BBS9: variants seen among roughly 807,000 people sequenced by gnomAD.
The protein encoded by BBS9 is protein PTHB1.
In BBS9, 89 loss-of-function variants were observed where a neutral mutation model predicts 117.7. The ratio of observed to expected loss-of-function variants is 0.76; its 90% CI spans 0.64 to 0.90. The LOEUF is 0.90. BBS9 is among the 40% of genes least tolerant of loss of function. The pLI is 0.00. For synonymous variants in BBS9, 379 were observed against 370.9 expected, an observed-to-expected ratio of 1.02 and a Z score of -0.25; for missense variants, 982 against 1,042.2, an observed-to-expected ratio of 0.94 and a Z score of 0.80.
intron 11 of BBS9, 115 bp downstream of exon 11, chr7:33,341,088 T>A: frequency 1.2e-6 from 1 of 835,078 alleles, no homozygotes; most frequent in South Asian, 1.4e-5. Context: ...TCAGGGAGGA[T>A]AACAAATTGT....
intron 19 of BBS9, among the ~76,000 whole-genome samples, chr7:33,446,565 T>C (rs571840601): frequency 6.6e-6 from 1 of 152,150 alleles, no homozygotes; most frequent in African/African-American, 2.4e-5. Flanking sequence ...AATGAGGCCT[T>C]CATTTAAGGT....
At chr7:33,597,247 A>G (rs1863000897) in intron 21 of BBS9, among the ~76,000 whole-genome samples, 1 of 151,988 alleles carries the variant, frequency 6.6e-6, no homozygotes, top group Non-Finnish European at 1.5e-5. Context: ...ATTGAAATGA[A>G]ATCTCAAAAA....
rs1416809260 is a variant in BBS9, at chr7:33,338,224, G to A, written c.1198+1602G>A. Reference sequence around the variant, plus strand: ...GTTTTATTTCTGGGAAAGAAACAAAGGGAAACTTTTTAAACTGAGAGGTAT... The same window carrying A: ...GTTTTATTTCTGGGAAAGAAACAAAAGGAAACTTTTTAAACTGAGAGGTAT... On this transcript the variant is annotated intron_variant, in intron 10 of 22. Coordinates refer to ENST00000242067, the MANE Select transcript of BBS9 (RefSeq NM_198428.3). 2.6e-5 allele frequency among the ~76,000 whole-genome samples: 4 copies of A among 151,884 alleles called. No homozygotes were observed. In the East Asian group the frequency reaches 7.7e-4, roughly 29 times the overall value.
chr7:33,422,849 A>G (rs1584769578), intron 19 of BBS9, among the ~76,000 whole-genome samples: 1 of 152,118 alleles, frequency 6.6e-6, no homozygotes, highest in African/African-American at 2.4e-5. Flanking sequence ...GCCTCAAGCA[A>G]TCCTCTCGCC....
intron 21 of BBS9, among the ~76,000 whole-genome samples, chr7:33,632,295 C>T (rs1055910630): frequency 6.6e-6 from 1 of 152,208 alleles, no homozygotes; most frequent in East Asian, 1.9e-4. Flanking sequence ...GAGAAATGTT[C>T]ACTCTTCAAT....
intron 21 of BBS9, among the ~76,000 whole-genome samples, chr7:33,598,457 A>G (rs1585424753): frequency 6.6e-6 from 1 of 152,310 alleles, no homozygotes; most frequent in African/African-American, 2.4e-5. Flanking sequence ...TGAAAAAGAC[A>G]AAGGACATTA....
At position 33,152,852 on chromosome 7, in the gene BBS9, G is replaced by A. The variant is rs137962929; in HGVS notation, c.263+1G>A. On this transcript the variant is annotated splice_donor_variant, in intron 3 of 22. Transcript: ENST00000242067. LOFTEE classifies it high-confidence loss of function. ...AAGTGGAAGTAGGAAAGTTTGTTTC[G>A]TAAGTAAGCCCACTAATTCTGGTAT... The A allele has an allele frequency of 1.2e-5, 19 of 1,613,742 alleles. No homozygotes were observed. Among genetic ancestry groups the A allele is most frequent in the African/African-American group, 4.0e-5 (3 of 74,976 alleles).
intron 4 of BBS9, among the ~76,000 whole-genome samples, chr7:33,167,915 A>G (rs1795949584): frequency 6.6e-6 from 1 of 152,200 alleles, no homozygotes. Context: ...ATAAAGACAT[A>G]ATTGACAAGG....
Position 33,466,390 on chromosome 7 carries a change from C to T in BBS9, c.2116-39073C>T, listed in dbSNP as rs942498972. ...GATTCTGCATATATGTGAGGTCATG[C>T]AGTATTTGTCTTTCTGGGCCCGCCC... On this transcript the variant is annotated intron_variant, in intron 19 of 22. Transcript: ENST00000242067. Among the ~76,000 whole-genome samples the T allele has an allele frequency of 3.7e-5, 4 of 107,780 alleles. No individual in the cohort carries two copies. The East Asian group carries it at 1.1e-3, about 29-fold the overall frequency. The allele number at this position is 107,780 out of a possible 152,430, so 70.7% of individuals were successfully genotyped here. A position where few individuals can be genotyped will look rare whatever the true frequency, so the allele number is the denominator to read the frequency against.
chr7:33,271,948 C>G (rs1165832150), intron 7 of BBS9, among the ~76,000 whole-genome samples: 2 of 152,134 alleles, frequency 1.3e-5, no homozygotes, highest in Non-Finnish European at 2.9e-5. Context: ...AAATAAACTA[C>G]ACAATCGGAT....
In BBS9 at chr7:33,298,239, G is replaced by C. The variant is rs141090740; in HGVS notation, c.1016+24283G>C. On this transcript the variant is annotated intron_variant, in intron 9 of 22. Coordinates refer to ENST00000242067, the MANE Select transcript of BBS9 (RefSeq NM_198428.3). ...TTGGGGTATTATAAAGGTTAAAGCA[G>C]AAGACTCCGACCATGGCTGATTAAC... 2.8e-3 allele frequency among the ~76,000 whole-genome samples: 423 copies of C among 152,118 alleles called. 1 individual carries two copies. The highest frequency in any genetic ancestry group is 9.9e-3 in the African/African-American group (412 of 41,494).
At chr7:33,529,685 G>A (rs990352000) in intron 20 of BBS9, among the ~76,000 whole-genome samples, 1 of 147,992 alleles carries the variant, frequency 6.8e-6, no homozygotes, top group African/African-American at 2.5e-5. Context: ...GCCATACACA[G>A]GTCAACCTGG....
chr7:33,137,494 C>G (rs997639836), intron 1 of BBS9, among the ~76,000 whole-genome samples: 1 of 152,218 alleles, frequency 6.6e-6, no homozygotes, highest in Non-Finnish European at 1.5e-5. Context: ...ATGCCTCCCC[C>G]GCTGCAGCCA....
At chr7:33,240,369 C>A (rs1794288807) in intron 5 of BBS9, among the ~76,000 whole-genome samples, 1 of 151,690 alleles carries the variant, frequency 6.6e-6, no homozygotes, top group Non-Finnish European at 1.5e-5. Context: ...CTGATCCTCG[C>A]ACCTTAGCTT....
At chr7:33,420,074 C>T (rs778847067) in intron 19 of BBS9, among the ~76,000 whole-genome samples, 21 of 152,214 alleles carry the variant, frequency 1.4e-4, no homozygotes, top group African/African-American at 4.6e-4. Flanking sequence ...CAAAGTTCTG[C>T]GTTATTAATA....
intron 5 of BBS9, among the ~76,000 whole-genome samples, chr7:33,241,190 A>C (rs1345227201): frequency 6.6e-6 from 1 of 152,082 alleles, no homozygotes; most frequent in Non-Finnish European, 1.5e-5. Context: ...TCTTTGTTTT[A>C]TTACTTTAAA....
intron 9 of BBS9, among the ~76,000 whole-genome samples, chr7:33,329,626 C>T (rs370315367): frequency 3.9e-5 from 6 of 151,978 alleles, no homozygotes; most frequent in African/African-American, 4.8e-5. Context: ...TTTAAAATAA[C>T]CATGAAAGTA....
At chr7:33,182,859 C>T (rs941455245) in intron 5 of BBS9, among the ~76,000 whole-genome samples, 3 of 152,090 alleles carry the variant, frequency 2.0e-5, no homozygotes, top group Admixed American at 2.0e-4. Context: ...ACAGATCCCC[C>T]AAAATTAAGG....
At chr7:33,424,526 T>C (rs370459114) in intron 19 of BBS9, among the ~76,000 whole-genome samples, 6 of 152,214 alleles carry the variant, frequency 3.9e-5, no homozygotes, top group African/African-American at 4.8e-5. Flanking sequence ...CAGCCTTCTC[T>C]CTTGTAATGT....
Sources: gnomAD v4.1 joint callset for allele counts (sites outside exome capture counted in the v4.1 genomes callset) on GRCh38, gnomAD v4.1.1 for gene constraint, MANE v1.5 for transcripts, NCBI Gene and HGNC (gene_info 2026-07-23, HGNC 2026-07-21) for gene names.